MICAL3: variants seen among roughly 807,000 people sequenced by gnomAD.
MICAL3 encodes the protein microtubule associated monooxygenase, calponin and LIM domain containing 3, also known as [F-actin]-monooxygenase MICAL3.
MICAL3 carries 62 observed loss-of-function variants against 207.4 expected under a neutral mutation model. The ratio of observed to expected loss-of-function variants is 0.30; its 90% CI spans 0.24 to 0.37. The LOEUF is 0.37. Ranked by LOEUF, MICAL3 falls within the 10% of genes least tolerant of loss-of-function variation. The pLI, the probability that MICAL3 is intolerant of heterozygous loss-of-function variation, is 1.00. For synonymous variants in MICAL3, 1,077 were observed against 1,069.3 expected (o/e 1.01, Z -0.14); for missense variants, 2,368 against 2,635.6 (o/e 0.90, Z 2.22).
chr22:17,933,791 A>G (rs780789251), intron 1 of MICAL3, among the ~76,000 whole-genome samples: 3 of 152,202 alleles, frequency 2.0e-5, no homozygotes, highest in African/African-American at 4.8e-5. Context: ...GATAAAGGGA[A>G]TATCACCACC....
At chr22:18,013,011 C>T (rs141716630) in intron 1 of MICAL3, among the ~76,000 whole-genome samples, 251 of 152,254 alleles carry the variant, frequency 1.6e-3, no homozygotes, top group Non-Finnish European at 3.0e-3. Flanking sequence ...GATGGAGGCA[C>T]CTTGCTCTCC....
At chr22:17,843,086 A>T (rs1408210662) in intron 19 of MICAL3, among the ~76,000 whole-genome samples, 4 of 139,892 alleles carry the variant, frequency 2.9e-5, no homozygotes, top group Non-Finnish European at 4.5e-5. Flanking sequence ...GCGCCACTGC[A>T]CTCCAGCCTG....
At chr22:17,876,641 TG>T (rs1281749457) in intron 16 of MICAL3, 2 of 150,446 alleles carry the variant, frequency 1.3e-5, no homozygotes, top group Non-Finnish European at 2.9e-5. Context: ...AGGGGAGGAG[TG>T]GGGGACTGGG....
At chr22:17,975,146 C>T (rs184205196) in intron 1 of MICAL3, among the ~76,000 whole-genome samples, 61 of 152,304 alleles carry the variant, frequency 4.0e-4, no homozygotes, top group Admixed American at 3.7e-3. Context: ...CTTGTGATCA[C>T]AAACCCACAA....
chr22:17,889,317 C>T, intron 12 of MICAL3, 87 bp from the exon 13 acceptor site: 1 of 973,762 alleles, frequency 1.0e-6, no homozygotes, highest in Non-Finnish European at 1.5e-6. Context: ...CGTCCTTTCT[C>T]TGTTTTCAGC....
At chr22:18,014,996 A>AAG (rs1923966489) in intron 1 of MICAL3, among the ~76,000 whole-genome samples, 1 of 152,042 alleles carries the variant, frequency 6.6e-6, no homozygotes, top group East Asian at 1.9e-4. Flanking sequence ...CAAAAAAAAA[A>AAG]AAGAGAAAGT....
intron 1 of MICAL3, among the ~76,000 whole-genome samples, chr22:17,956,838 T>G (rs1415047631): frequency 2.0e-5 from 3 of 152,142 alleles, no homozygotes; most frequent in Non-Finnish European, 2.9e-5. Flanking sequence ...AGACACCAAC[T>G]GGAGAAAGAT....
At chr22:18,018,581 G>T (rs1431221090) in intron 1 of MICAL3, among the ~76,000 whole-genome samples, 1 of 152,040 alleles carries the variant, frequency 6.6e-6, no homozygotes, top group Admixed American at 6.5e-5. Context: ...AATTAGCAGG[G>T]TATGGTGGTG....
At chr22:18,022,944 C>G (rs1924578983) in intron 1 of MICAL3, among the ~76,000 whole-genome samples, 1 of 152,178 alleles carries the variant, frequency 6.6e-6, no homozygotes, top group Non-Finnish European at 1.5e-5. Flanking sequence ...GGGACCTGTT[C>G]CGAGAGTGAT....
At position 17,865,104 on chromosome 22, in the gene MICAL3, T is replaced by TA. The variant is rs1272433403; in HGVS notation, c.2518-119dup. On this transcript the variant is annotated intron_variant, in intron 18 of 31. Transcript: ENST00000441493. ...TTTAAATTTTATTTATTTATTTATT[T>TA]ATTTATTTATTTATTTATTTATTTA... The TA allele has an allele frequency of 1.3e-4, 90 of 685,848 alleles. No individual in the cohort carries two copies. The East Asian group carries it at 4.4e-3, about 34-fold the overall frequency. The allele number at this position is 685,848 out of a possible 1,614,324, so 42.5% of individuals were successfully genotyped here. A position where few individuals can be genotyped will look rare whatever the true frequency, so the allele number is the denominator to read the frequency against.
At chr22:17,955,034 T>C (rs549462709) in intron 1 of MICAL3, among the ~76,000 whole-genome samples, 1 of 152,254 alleles carries the variant, frequency 6.6e-6, no homozygotes, top group South Asian at 2.1e-4. Flanking sequence ...TCAAGTCTTT[T>C]TTTAACTACT....
intron 25 of MICAL3, among the ~76,000 whole-genome samples, chr22:17,819,665 C>T (rs1014680460): frequency 2.6e-5 from 4 of 152,088 alleles, no homozygotes; most frequent in South Asian, 2.1e-4. Context: ...GACGGCTGAG[C>T]GCAGTGGCTC....
chr22:17,899,998 G>A (rs1386547010), intron 6 of MICAL3, among the ~76,000 whole-genome samples: 1 of 152,216 alleles, frequency 6.6e-6, no homozygotes, highest in Non-Finnish European at 1.5e-5. Context: ...CTAAAAAATA[G>A]ATGTAATGAA....
chr22:17,825,275 G>A (rs1006539586), intron 22 of MICAL3, among the ~76,000 whole-genome samples: 1 of 152,192 alleles, frequency 6.6e-6, no homozygotes, highest in African/African-American at 2.4e-5. Flanking sequence ...AAAATAAACA[G>A]GTGAGAAATA....
intron 20 of MICAL3, among the ~76,000 whole-genome samples, chr22:17,838,963 T>TTC (rs201780985): frequency 2.1e-5 from 3 of 146,170 alleles, no homozygotes; most frequent in African/African-American, 5.2e-5. Context: ...TGCTTTTTTT[T>TTC]TTTTTTTTTT....
At chr22:17,807,045 A>C (rs2061996128) in intron 29 of MICAL3, among the ~76,000 whole-genome samples, 1 of 152,220 alleles carries the variant, frequency 6.6e-6, no homozygotes, top group East Asian at 1.9e-4. Context: ...ATGAGTAAGG[A>C]GGGCAGGGAG....
chr22:17,880,413 A>C (rs1271354558), intron 16 of MICAL3, among the ~76,000 whole-genome samples: 1 of 151,362 alleles, frequency 6.6e-6, no homozygotes, highest in African/African-American at 2.4e-5. Flanking sequence ...GTGTAGATGA[A>C]GGCACCCAGC....
At chr22:17,955,793 A>G (rs2099943) in intron 1 of MICAL3, among the ~76,000 whole-genome samples, 36,390 of 152,070 alleles carry the variant, frequency 0.24, 4,661 homozygotes, top group African/African-American at 0.31. Context: ...TGGGAGGTGG[A>G]AATAGATCTC....
chr22:17,938,163 T>C (rs1242769124), intron 1 of MICAL3, among the ~76,000 whole-genome samples: 1 of 152,194 alleles, frequency 6.6e-6, no homozygotes, highest in East Asian at 1.9e-4. Context: ...ACTGCACAGA[T>C]GAGAAAACTC....
Sources: gnomAD v4.1 joint callset for allele counts (sites outside exome capture counted in the v4.1 genomes callset) on GRCh38, gnomAD v4.1.1 for gene constraint, MANE v1.5 for transcripts, NCBI Gene and HGNC (gene_info 2026-07-23, HGNC 2026-07-21) for gene names.